The following GSE1 variants were observed in gnomAD, a reference collection of about 807,000 sequenced individuals.
GSE1 encodes genetic suppressor element 1.
A neutral mutation model predicts 112.6 loss-of-function variants in GSE1; 32 were observed. The observed-to-expected ratio is 0.28, with a 90% confidence interval of 0.21 to 0.38. The LOEUF (loss-of-function observed/expected upper bound fraction) is 0.38, where lower values mean the gene tolerates loss of function less well. GSE1 is among the 10% of genes least tolerant of loss of function. The pLI is 1.00. For missense variants in GSE1, 2,348 were observed against 1,699.2 expected, an observed-to-expected ratio of 1.38 and a Z score of -6.71; for synonymous variants, 1,115 against 735.6, an observed-to-expected ratio of 1.52 and a Z score of -8.35.
At chr16:85,652,293 G>A (rs373720333) in intron 3 of GSE1, among the ~76,000 whole-genome samples, 1 of 152,240 alleles carries the variant, frequency 6.6e-6, no homozygotes, top group African/African-American at 2.4e-5. Context: ...GGTCAGGTTG[G>A]CCCCTCGGCC....
At chr16:85,217,978 G>A (rs1431848866) in intron 1 of GSE1, among the ~76,000 whole-genome samples, 2 of 152,082 alleles carry the variant, frequency 1.3e-5, no homozygotes, top group East Asian at 1.9e-4. Context: ...TTGGCCCACT[G>A]CAACCTCTGC....
chr16:85,285,901 A>T (rs2045010364), intron 1 of GSE1: 1 of 152,250 alleles, frequency 6.6e-6, no homozygotes, highest in African/African-American at 2.4e-5. Context: ...ACGTGGGAAA[A>T]CAGGACTTCG....
chr16:85,361,864 C>T lies in GSE1; in HGVS notation c.2464+4221C>T, dbSNP rs564625605. On this transcript the variant is annotated intron_variant, in intron 2 of 2. Transcript: ENST00000637419. The stretch of plus-strand genomic sequence containing the variant: ...ACTGGGTTCCCTGCCGTCCCAGACT[C>T]CCGGGGCAGCCCACAGAGCTTATCA... Among the ~76,000 whole-genome samples the T allele has an allele frequency of 2.5e-3, 378 of 152,224 alleles. 2 individuals carry two copies. The highest frequency in any genetic ancestry group is 9.0e-3 in the African/African-American group (374 of 41,480).
chr16:85,446,127 G>A (rs1248134626), intron 2 of GSE1, among the ~76,000 whole-genome samples: 2 of 152,160 alleles, frequency 1.3e-5, no homozygotes, highest in Non-Finnish European at 2.9e-5. Flanking sequence ...AGAGAGCCCC[G>A]CCTGGCCCTG....
chr16:85,468,254 C>T (rs554290244), intron 2 of GSE1, among the ~76,000 whole-genome samples: 12 of 151,664 alleles, frequency 7.9e-5, no homozygotes, highest in African/African-American at 2.7e-4. Flanking sequence ...CTCAGAGCCT[C>T]AGCCTCCCTA....
chr16:85,169,796 G>A lies in GSE1; in HGVS notation c.272G>A (p.Arg91His), dbSNP rs980885686. The A allele has an allele frequency of 1.5e-5, 15 of 984,116 alleles. No individual in the cohort carries two copies. The African/African-American group carries it at 2.5e-4, about 16-fold the overall frequency. The allele number at this position is 984,116 out of a possible 1,614,324, so 61.0% of individuals were successfully genotyped here. A position where few individuals can be genotyped will look rare whatever the true frequency, so the allele number is the denominator to read the frequency against. Residue 91 changes from arginine (R) to histidine (H), a missense_variant, in exon 1 of 3, where the codon CGC (arginine) becomes CAC (histidine). Arg to His is a conservative substitution (Grantham distance 29). Transcript: ENST00000637419. ...TGCGTGTTGGTGTGCGCCGTGTGCC[G>A]CTGCTTCCTGGGCGAGCAGTGGGCC...
At chr16:85,568,888 C>G (rs2045867618) in intron 1 of GSE1, among the ~76,000 whole-genome samples, 1 of 152,202 alleles carries the variant, frequency 6.6e-6, no homozygotes, top group South Asian at 2.1e-4. Context: ...GACGTCTGTG[C>G]AGAAGGAGCC....
chr16:85,499,144 A>G (rs1410396786), intron 2 of GSE1, among the ~76,000 whole-genome samples: 4 of 151,042 alleles, frequency 2.6e-5, no homozygotes, highest in Middle Eastern at 6.8e-3. Context: ...TATGAGTAGG[A>G]CTCTAGGACT....
chr16:85,425,992 A>G (rs886691779), intron 2 of GSE1, among the ~76,000 whole-genome samples: 2 of 142,370 alleles, frequency 1.4e-5, no homozygotes, highest in African/African-American at 5.0e-5. Context: ...TGGAATCCAC[A>G]CTTTTAACCA....
chr16:85,670,504 T>A (rs2053242893), intron 14 of GSE1: 2 of 152,210 alleles, frequency 1.3e-5, no homozygotes, highest in African/African-American at 2.4e-5. Flanking sequence ...TTGTGAGCAC[T>A]TTCCCTGTTT....
At chr16:85,454,349 A>C (rs913445652) in intron 2 of GSE1, among the ~76,000 whole-genome samples, 3 of 152,188 alleles carry the variant, frequency 2.0e-5, no homozygotes, top group African/African-American at 7.2e-5. Context: ...AGGGCTACCC[A>C]TGCGGCAGGG....
intron 1 of GSE1, among the ~76,000 whole-genome samples, chr16:85,188,663 G>A (rs1046547085): frequency 6.6e-6 from 1 of 151,974 alleles, no homozygotes; most frequent in Admixed American, 6.6e-5. Flanking sequence ...TTAGCCAGAC[G>A]TGGTGGCATG....
chr16:85,472,823 G>A (rs890788001), intron 2 of GSE1, among the ~76,000 whole-genome samples: 8 of 152,268 alleles, frequency 5.3e-5, no homozygotes, highest in Non-Finnish European at 1.2e-4. Flanking sequence ...GGCACCTCTG[G>A]TAGGGAGCAG....
At chr16:85,353,456 A>ACATTCCCATCAAAAG (rs1555568402) in intron 1 of GSE1, among the ~76,000 whole-genome samples, 19 of 151,612 alleles carry the variant, frequency 1.3e-4, no homozygotes, top group Non-Finnish European at 1.8e-4. Flanking sequence ...GCATCATTTT[A>ACATTCCCATCAAAAG]CGTTCCCATC....
At chr16:85,536,673 T>A (rs1356338498) in intron 2 of GSE1, among the ~76,000 whole-genome samples, 1 of 152,206 alleles carries the variant, frequency 6.6e-6, no homozygotes, top group Non-Finnish European at 1.5e-5. Flanking sequence ...ACCCAGGCCC[T>A]CTGGCTCCCA....
At chr16:85,300,929 G>A (rs1340862157) in intron 1 of GSE1, among the ~76,000 whole-genome samples, 1 of 152,208 alleles carries the variant, frequency 6.6e-6, no homozygotes, top group Non-Finnish European at 1.5e-5. Context: ...AGTGGGGACT[G>A]GGGGCTGGAG....
intron 2 of GSE1, among the ~76,000 whole-genome samples, chr16:85,508,677 G>A (rs184066072): frequency 3.7e-4 from 57 of 152,344 alleles, no homozygotes; most frequent in Non-Finnish European, 6.8e-4. Context: ...ATACAGCCTC[G>A]GAGGGGAGGC....
intron 1 of GSE1, among the ~76,000 whole-genome samples, chr16:85,210,790 G>C (rs2075211748): frequency 6.6e-6 from 1 of 152,218 alleles, no homozygotes; most frequent in Non-Finnish European, 1.5e-5. Context: ...TTGTCACCGT[G>C]TCATCTTAGC....
chr16:85,204,929 CA>C (rs1017447542), intron 1 of GSE1, among the ~76,000 whole-genome samples: 9 of 152,210 alleles, frequency 5.9e-5, no homozygotes, highest in African/African-American at 2.2e-4. Flanking sequence ...GGAGTCCATG[CA>C]GTTGAAGCCC....
Sources: allele counts gnomAD v4.1 joint callset (sites outside exome capture counted in the v4.1 genomes callset), GRCh38; gene constraint gnomAD v4.1.1; transcripts MANE v1.5; gene names NCBI Gene and HGNC (gene_info 2026-07-23, HGNC 2026-07-21).